OCA2: variants seen among roughly 807,000 people sequenced by gnomAD.
The protein encoded by OCA2 is P protein.
Under a neutral mutation model 100.2 loss-of-function variants are expected in OCA2, and 77 were observed. That is an observed-to-expected ratio of 0.77 (90% CI 0.64 to 0.93). The LOEUF is 0.93. OCA2 is among the 40% of genes least tolerant of loss of function. OCA2 has a pLI of 0.00. For synonymous variants in OCA2, 432 were observed against 439.2 expected, an observed-to-expected ratio of 0.98 and a Z score of 0.21; for missense variants, 1,062 against 1,089.1, an observed-to-expected ratio of 0.98 and a Z score of 0.35.
intron 2 of OCA2, among the ~76,000 whole-genome samples, chr15:28,081,356 G>T (rs192092594): frequency 3.3e-5 from 5 of 152,008 alleles, no homozygotes; most frequent in Non-Finnish European, 7.4e-5. Context: ...AGAGACATAC[G>T]CTTTCCAAAA....
At chr15:27,975,215 C>A (rs1318809964) in intron 14 of OCA2, among the ~76,000 whole-genome samples, 1 of 152,108 alleles carries the variant, frequency 6.6e-6, no homozygotes, top group African/African-American at 2.4e-5. Context: ...TAGGATTTTA[C>A]ATTAACACTA....
intron 15 of OCA2, among the ~76,000 whole-genome samples, chr15:27,960,798 GAAGAC>G (rs2040384836): frequency 6.6e-6 from 1 of 151,438 alleles, no homozygotes; most frequent in African/African-American, 2.4e-5. Flanking sequence ...CAGCTGCTTG[GAAGAC>G]TAAGGTAGGA....
intron 19 of OCA2, among the ~76,000 whole-genome samples, chr15:27,913,912 C>A (rs200624763): frequency 0.41 from 22,846 of 55,058 alleles, 5,421 homozygotes; most frequent in Middle Eastern, 0.58. Context: ...AGCAAGCAAG[C>A]AAGCAAGCAA....
At chr15:27,842,917 G>A (rs1246981523) in intron 23 of OCA2, among the ~76,000 whole-genome samples, 2 of 152,212 alleles carry the variant, frequency 1.3e-5, no homozygotes, top group Non-Finnish European at 2.9e-5. Context: ...TCACCCACTG[G>A]AGCTGAACCT....
chr15:27,837,735 T>A (rs192072865), intron 23 of OCA2, among the ~76,000 whole-genome samples: 73 of 151,090 alleles, frequency 4.8e-4, no homozygotes, highest in African/African-American at 1.7e-3. Context: ...CAGGCATGCA[T>A]CACCCGCAAG....
chr15:28,096,090 A>G (rs993300412), intron 1 of OCA2, among the ~76,000 whole-genome samples: 2 of 148,858 alleles, frequency 1.3e-5, no homozygotes, highest in African/African-American at 5.1e-5. Context: ...GCGTCTGCAA[A>G]GGCGTCAATG....
chr15:27,859,659 T>C (rs1223913350), intron 21 of OCA2, among the ~76,000 whole-genome samples: 1 of 152,168 alleles, frequency 6.6e-6, no homozygotes, highest in Non-Finnish European at 1.5e-5. Flanking sequence ...GAATACTTCC[T>C]AACTCATTCC....
chr15:27,922,964 CA>C (rs555279829), intron 19 of OCA2, among the ~76,000 whole-genome samples: 246 of 152,230 alleles, frequency 1.6e-3, no homozygotes, highest in Non-Finnish European at 2.1e-3. Context: ...TCCCTCCTCC[CA>C]CCTTTCATCC....
At chr15:27,896,073 A>T in intron 19 of OCA2, 1 of 1,193,508 alleles carries the variant, frequency 8.4e-7, no homozygotes, top group Non-Finnish European at 1.2e-6. Context: ...GGTGACTGGC[A>T]AGGAATACAA....
intron 22 of OCA2, among the ~76,000 whole-genome samples, chr15:27,845,504 C>T (rs1048280427): frequency 6.6e-6 from 1 of 152,198 alleles, no homozygotes; most frequent in African/African-American, 2.4e-5. Context: ...CCAGGTGGAA[C>T]CCCTTTCCTT....
chr15:27,773,439 C>T (rs1232435017), intron 23 of OCA2, among the ~76,000 whole-genome samples: 2 of 152,140 alleles, frequency 1.3e-5, no homozygotes, highest in Non-Finnish European at 2.9e-5. Context: ...ATTTTAGACT[C>T]AGGTTATATT....
At chr15:27,944,004 C>T (rs150263150) in intron 18 of OCA2, among the ~76,000 whole-genome samples, 1 of 152,308 alleles carries the variant, frequency 6.6e-6, no homozygotes, top group Non-Finnish European at 1.5e-5. Flanking sequence ...GGGCCGTGTT[C>T]ACTCATTTTT....
At position 27,943,370 on chromosome 15, in the gene OCA2, C is replaced by T. The variant is rs142070374; in HGVS notation, c.1951+8414G>A. 3.1e-3 allele frequency among the ~76,000 whole-genome samples: 467 copies of T among 152,188 alleles called. 19 individuals are homozygous for T. In the East Asian group the frequency reaches 0.085, roughly 28 times the overall value. The stretch of plus-strand genomic sequence containing the variant: ...CTGACTCTAGTATAACATCACATGA[C>T]AGACAGCAGGCCCTGAAAGAAATCA... On this transcript the variant is annotated intron_variant, in intron 18 of 23. Coordinates refer to ENST00000354638, the MANE Select transcript of OCA2 (RefSeq NM_000275.3).
chr15:27,956,875 C>T (rs1429948538), intron 16 of OCA2, among the ~76,000 whole-genome samples: 1 of 152,226 alleles, frequency 6.6e-6, no homozygotes, highest in Non-Finnish European at 1.5e-5. Flanking sequence ...CAGTGCACAG[C>T]GAATGGCAAC....
chr15:27,848,502 T>C (rs577209629), intron 22 of OCA2, among the ~76,000 whole-genome samples: 6 of 152,288 alleles, frequency 3.9e-5, no homozygotes, highest in East Asian at 1.9e-4. Flanking sequence ...CCAGTTTCCA[T>C]TGACGGAGAA....
At chr15:27,953,730 A>G (rs2040115984) in intron 17 of OCA2, among the ~76,000 whole-genome samples, 1 of 151,394 alleles carries the variant, frequency 6.6e-6, no homozygotes, top group African/African-American at 2.4e-5. Flanking sequence ...ACCTGAGGTC[A>G]TTTCTTTTTT....
chr15:27,767,314 CT>C (rs1316485480), intron 23 of OCA2, among the ~76,000 whole-genome samples: 1 of 152,204 alleles, frequency 6.6e-6, no homozygotes, highest in Non-Finnish European at 1.5e-5. Context: ...TTCTTTGCCC[CT>C]ATCCAGCAGG....
intron 21 of OCA2, among the ~76,000 whole-genome samples, chr15:27,865,809 A>T (rs1479464673): frequency 6.6e-6 from 1 of 152,114 alleles, no homozygotes; most frequent in Non-Finnish European, 1.5e-5. Context: ...GTGCAGAGGG[A>T]CGCATGACTG....
At chr15:27,722,844 C>CTCTT in the OCA2 span, among the ~76,000 whole-genome samples, 2 of 146,456 alleles carry the variant, frequency 1.4e-5, no homozygotes, top group Admixed American at 6.9e-5. Context: ...CTCTCTTTCT[C>CTCTT]TCTTTCTTTC....
Sources: gnomAD v4.1 joint callset for allele counts (sites outside exome capture counted in the v4.1 genomes callset) on GRCh38, gnomAD v4.1.1 for gene constraint, MANE v1.5 for transcripts, NCBI Gene and HGNC (gene_info 2026-07-23, HGNC 2026-07-21) for gene names.